EPHB1: variants seen among roughly 807,000 people sequenced by gnomAD.
The protein encoded by EPHB1 is ephrin type-B receptor 1.
EPHB1 carries 30 observed loss-of-function variants against 94.4 expected under a neutral mutation model. The ratio of observed to expected loss-of-function variants is 0.32; its 90% CI spans 0.24 to 0.43. The LOEUF (loss-of-function observed/expected upper bound fraction) is 0.43, where lower values mean the gene tolerates loss of function less well. EPHB1 is among the 20% of genes least tolerant of loss of function. The pLI is 1.00. For synonymous variants in EPHB1, 522 were observed against 489.1 expected (o/e 1.07, Z -0.89); for missense variants, 1,055 against 1,308.3 (o/e 0.81, Z 2.99).
chr3:134,868,763 GACAA>G (rs1387747670), intron 1 of EPHB1, among the ~76,000 whole-genome samples: 3 of 152,192 alleles, frequency 2.0e-5, no homozygotes, highest in Non-Finnish European at 4.4e-5. Context: ...AAAAAAAGCT[GACAA>G]ACAGTGAATA....
At chr3:135,026,689 C>T (rs1273980646) in intron 3 of EPHB1, among the ~76,000 whole-genome samples, 8 of 130,308 alleles carry the variant, frequency 6.1e-5, no homozygotes, top group Non-Finnish European at 1.2e-4. Flanking sequence ...ATTGACTTGG[C>T]AATGCGGGCT....
At chr3:135,192,297 G>A (rs201332277) in intron 10 of EPHB1, among the ~76,000 whole-genome samples, 1 of 1,540 alleles carries the variant, frequency 6.5e-4, no homozygotes, top group Non-Finnish European at 2.3e-3. Context: ...AATTAAGTGT[G>A]GGGAAAAACA....
intron 12 of EPHB1, among the ~76,000 whole-genome samples, chr3:135,226,081 G>A (rs1368223152): frequency 1.3e-5 from 2 of 152,264 alleles, no homozygotes; most frequent in African/African-American, 4.8e-5. Flanking sequence ...CCCCCAAGTG[G>A]GGTTTCTGTA....
chr3:135,166,035 G>A lies in EPHB1; in HGVS notation c.1653G>A (p.Val551=). 6.2e-7 allele frequency: 1 copy of A among 1,613,952 alleles called. No homozygotes were observed. Among genetic ancestry groups the A allele is most frequent in the Non-Finnish European group, 8.5e-7 (1 of 1,179,866 alleles). The change falls in exon 8 of 16, where the codon GTG becomes GTA. Residue 551 remains valine, a synonymous_variant. Coordinates refer to ENST00000398015, the MANE Select transcript of EPHB1 (RefSeq NM_004441.5). ...CTGGCTCGGCAGCGGCCGGGGTCGT[G>A]TTCGTTGTGTCCTTGGTGGCCATCT... The part of the protein sequence containing the change: ...LIAGSAAAGV[V]FVVSLVAISI...
At chr3:134,910,804 A>G (rs1036818463) in intron 1 of EPHB1, among the ~76,000 whole-genome samples, 1 of 152,038 alleles carries the variant, frequency 6.6e-6, no homozygotes, top group Non-Finnish European at 1.5e-5. Context: ...CCGTACTCTC[A>G]TTAGGCTTCT....
chr3:134,865,394 A>G (rs1228564019), intron 1 of EPHB1, among the ~76,000 whole-genome samples: 1 of 152,168 alleles, frequency 6.6e-6, no homozygotes, highest in Non-Finnish European at 1.5e-5. Flanking sequence ...GTGGGAGTGT[A>G]AATTAGCACA....
At chr3:135,181,734 T>G (rs1365342248) in intron 10 of EPHB1, among the ~76,000 whole-genome samples, 1 of 151,190 alleles carries the variant, frequency 6.6e-6, no homozygotes, top group Non-Finnish European at 1.5e-5. Flanking sequence ...ATGACCCTAC[T>G]GGATAGTTAC....
At chr3:135,022,383 C>A (rs1037477545) in intron 3 of EPHB1, among the ~76,000 whole-genome samples, 1 of 152,126 alleles carries the variant, frequency 6.6e-6, no homozygotes, top group Non-Finnish European at 1.5e-5. Context: ...TTTTTACTAA[C>A]TTCATAAAAT....
chr3:134,948,430 A>G (rs1327133890), intron 2 of EPHB1, among the ~76,000 whole-genome samples: 1 of 152,138 alleles, frequency 6.6e-6, no homozygotes, highest in Admixed American at 6.5e-5. Context: ...TAAAAATTTG[A>G]TCTGAAACAT....
intron 12 of EPHB1, among the ~76,000 whole-genome samples, chr3:135,207,678 C>T (rs1942934831): frequency 6.6e-6 from 1 of 152,200 alleles, no homozygotes; most frequent in South Asian, 2.1e-4. Context: ...AAAGAACAGT[C>T]ACTGTTTTAG....
chr3:135,105,871 A>G (rs1939196687), intron 3 of EPHB1, among the ~76,000 whole-genome samples: 1 of 152,206 alleles, frequency 6.6e-6, no homozygotes, highest in African/African-American at 2.4e-5. Context: ...AATCACCCTA[A>G]TTTAGTTTTA....
intron 1 of EPHB1, among the ~76,000 whole-genome samples, chr3:134,820,770 G>A (rs1342292946): frequency 5.9e-5 from 9 of 152,114 alleles, no homozygotes; most frequent in Non-Finnish European, 1.2e-4. Context: ...GCCCCGGAAC[G>A]TTTGCACCTG....
At chr3:135,032,110 C>G (rs1383128172) in intron 3 of EPHB1, among the ~76,000 whole-genome samples, 1 of 152,012 alleles carries the variant, frequency 6.6e-6, no homozygotes, top group Non-Finnish European at 1.5e-5. Context: ...ACAGATATTT[C>G]AGTCTGGAGT....
At chr3:135,099,012 CAAAAAAAAAAA>C (rs34508563) in intron 3 of EPHB1, among the ~76,000 whole-genome samples, 2 of 64,484 alleles carry the variant, frequency 3.1e-5, no homozygotes, top group South Asian at 7.8e-4. Flanking sequence ...GACCCTGCCT[CAAAAAAAAAAA>C]AAAAAAAAAA....
At chr3:135,195,547 A>G (rs1942578433) in intron 11 of EPHB1, among the ~76,000 whole-genome samples, 1 of 147,706 alleles carries the variant, frequency 6.8e-6, no homozygotes, top group South Asian at 2.1e-4. Flanking sequence ...ATGTGATCTC[A>G]TTGTTCAATT....
intron 3 of EPHB1, among the ~76,000 whole-genome samples, chr3:134,986,025 T>C (rs1322851640): frequency 6.6e-6 from 1 of 152,114 alleles, no homozygotes; most frequent in Non-Finnish European, 1.5e-5. Context: ...CAGACACAGA[T>C]TTCACTCCCA....
chr3:134,966,462 C>T (rs1933750580), intron 3 of EPHB1, among the ~76,000 whole-genome samples: 1 of 152,352 alleles, frequency 6.6e-6, no homozygotes, highest in Admixed American at 6.5e-5. Flanking sequence ...CCTCTGCAAG[C>T]CTCCACCTAC....
At chr3:135,085,312 T>A (rs1398944294) in intron 3 of EPHB1, among the ~76,000 whole-genome samples, 1 of 152,214 alleles carries the variant, frequency 6.6e-6, no homozygotes, top group Non-Finnish European at 1.5e-5. Flanking sequence ...CAGAAGTTTA[T>A]AGCCACACCA....
chr3:135,053,258 G>C (rs1937248308), intron 3 of EPHB1, among the ~76,000 whole-genome samples: 2 of 151,508 alleles, frequency 1.3e-5, no homozygotes, highest in South Asian at 4.2e-4. Context: ...ATCCTGACTT[G>C]ATCATCACAC....
Sources: allele counts gnomAD v4.1 joint callset (sites outside exome capture counted in the v4.1 genomes callset), GRCh38; gene constraint gnomAD v4.1.1; transcripts MANE v1.5; gene names NCBI Gene and HGNC (gene_info 2026-07-23, HGNC 2026-07-21).